The following LRRC57 variants were observed in gnomAD, a reference collection of about 807,000 sequenced individuals.
The protein encoded by LRRC57 is leucine-rich repeat-containing protein 57.
Under a neutral mutation model 23.1 loss-of-function variants are expected in LRRC57, and 14 were observed. That is an observed-to-expected ratio of 0.61 (90% CI 0.40 to 0.95). The LOEUF (loss-of-function observed/expected upper bound fraction) is 0.95, where lower values mean the gene tolerates loss of function less well. Ranked by LOEUF, LRRC57 falls within the 40% of genes least tolerant of loss-of-function variation. LRRC57 has a pLI of 0.00. For synonymous variants in LRRC57, 106 were observed against 115.2 expected (o/e 0.92, Z 0.51); for missense variants, 236 against 284.4 (o/e 0.83, Z 1.22).
At chr15:42,545,856 C>T (rs1319737545) in intron 4 of LRRC57, among the ~76,000 whole-genome samples, 1 of 152,056 alleles carries the variant, frequency 6.6e-6, no homozygotes, top group Non-Finnish European at 1.5e-5. Context: ...CATATGTCAT[C>T]TTCTCTCTAA....
At chr15:42,548,013 GTTTCATAACAAAAACAAAAATC>G in intron 3 of LRRC57, 71 bp downstream of exon 3, 1 of 1,396,456 alleles carries the variant, frequency 7.2e-7, no homozygotes. Context: ...CTCCTGCACG[GTTTCATAACAAAAACAAAAATC>G]AGCTTGTAAG....
At chr15:42,537,296 A>C (rs1207056718), downstream of LRRC57, among the ~76,000 whole-genome samples, 1 of 145,368 alleles carries the variant, frequency 6.9e-6, no homozygotes, top group African/African-American at 2.8e-5. Flanking sequence ...GTATGTGAAA[A>C]AAATCTCAAC....
rs1340021885 is a variant in LRRC57, at chr15:42,543,624, C to T, written c.*459G>A. Reference sequence around the variant, plus strand: ...TAATAAATCCTTAGATCCATGCCAGCCTCTCACAAATTATCTGAATTTCAT... The same window carrying T: ...TAATAAATCCTTAGATCCATGCCAGTCTCTCACAAATTATCTGAATTTCAT... On this transcript the variant is annotated 3_prime_UTR_variant, in exon 6 of 6. Coordinates refer to ENST00000397130, the MANE Select transcript of LRRC57 (RefSeq NM_153260.3). The T allele has an allele frequency of 6.5e-6, 1 of 154,594 alleles. No homozygotes were observed. The highest frequency in any genetic ancestry group is 1.9e-4 in the East Asian group (1 of 5,296). 9.6% of individuals were successfully genotyped at this position (154,594 alleles called of 1,614,324 possible).
intron 2 of LRRC57, 33 bp from the exon 3 acceptor site, chr15:42,548,277 C>T: frequency 1.2e-6 from 2 of 1,613,950 alleles, no homozygotes; most frequent in Non-Finnish European, 1.7e-6. Context: ...TGGGGAATCC[C>T]GCACCGACTA....
chr15:42,528,420 G>A, the LRRC57 span: 3 of 1,613,892 alleles, frequency 1.9e-6, no homozygotes, highest in Middle Eastern at 1.7e-4. Flanking sequence ...TACATTAAAC[G>A]GTATGCCAAC....
chr15:42,545,285 T>A (rs1200400856), intron 4 of LRRC57, 23 bp from the exon 5 acceptor site: 2 of 1,531,066 alleles, frequency 1.3e-6, no homozygotes. Flanking sequence ...CACAAAAGAA[T>A]AACAGGAAAA....
Position 42,539,236 on chromosome 15 carries a change from T to G in LRRC57, c.*4847A>C, listed in dbSNP as rs1483589002. ...GCTAACACCTGTAATCCCAGCACTA[T>G]GGGAAGCCAAGGCAGGGGGATCACC... is the stretch of plus-strand genomic sequence containing the variant. On this transcript the variant is annotated 3_prime_UTR_variant, in exon 6 of 6. Transcript: ENST00000397130. 2 of 151,692 alleles carry G rather than the reference T, an allele frequency of 1.3e-5. No individual in the cohort carries two copies. Among genetic ancestry groups the G allele is most frequent in the Non-Finnish European group, 2.9e-5 (2 of 67,978 alleles). 9.4% of individuals were successfully genotyped at this position (151,692 alleles called of 1,614,324 possible). A position where few individuals can be genotyped will look rare whatever the true frequency, so the allele number is the denominator to read the frequency against.
Position 42,547,363 on chromosome 15 carries a change from T to C in LRRC57, c.390A>G (p.Leu130=), listed in dbSNP as rs140832695. ...LGALPPQLCS[L]RHLDVMDLSK... ...AGAGATCCATCACATCCAGGTGCCG[T>C]AGGCTACAAAGTTGGGGAGGTAATG... The change falls in exon 4 of 6, where the codon CTA becomes CTG. Residue 130 remains leucine, a synonymous_variant. Transcript: ENST00000397130. 18 of 1,614,188 alleles carry C rather than the reference T, an allele frequency of 1.1e-5. No homozygotes were observed. Among genetic ancestry groups the C allele is most frequent in the Middle Eastern group, 1.6e-4 (1 of 6,062 alleles).
chr15:42,538,914 GTGGCTCACACCTGTAATCCCAGCACTT>G lies in LRRC57; in HGVS notation c.*5142_*5168del, dbSNP rs1361255592. 6.6e-6 allele frequency: 1 copy of G among 152,236 alleles called. No homozygotes were observed. The highest frequency in any genetic ancestry group is 1.5e-5 in the Non-Finnish European group (1 of 68,062). 9.4% of individuals were successfully genotyped at this position (152,236 alleles called of 1,614,324 possible). A position where few individuals can be genotyped will look rare whatever the true frequency, so the allele number is the denominator to read the frequency against. ...ATTTGGGTGACTTGGGCCAGATGTG[GTGGCTCACACCTGTAATCCCAGCACTT>G]TGGGAGGTAAGGCAGGATTGCTTGA... On this transcript the variant is annotated 3_prime_UTR_variant, in exon 6 of 6. Transcript: ENST00000397130.
chr15:42,547,703 G>A, intron 3 of LRRC57, 174 bp from the exon 4 acceptor site: 3 of 644,952 alleles, frequency 4.7e-6, no homozygotes, highest in South Asian at 4.3e-5. Context: ...AGAAGGTGAG[G>A]GTGCCATCAA....
At chr15:42,546,953 AT>A (rs1238927358) in intron 4 of LRRC57, among the ~76,000 whole-genome samples, 1 of 152,192 alleles carries the variant, frequency 6.6e-6, no homozygotes. Context: ...GGTTAGGGGC[AT>A]ATATTTGAGG....
At chr15:42,544,841 A>AATATATATATATATATATATATATATAT (rs767685010) in intron 5 of LRRC57, among the ~76,000 whole-genome samples, 4 of 106,596 alleles carry the variant, frequency 3.8e-5, no homozygotes, top group Non-Finnish European at 7.6e-5. Flanking sequence ...ACACACACAC[A>AATATATATATATATATATATATATATAT]CTATATATAT....
intron 4 of LRRC57, chr15:42,545,562 T>C (rs1239406716): frequency 5.3e-6 from 1 of 187,362 alleles, no homozygotes; most frequent in African/African-American, 2.3e-5. Flanking sequence ...GAATCACAGG[T>C]TTAAAGAAAA....
Position 42,538,545 on chromosome 15 carries a change from C to G in LRRC57, c.*5538G>C, listed in dbSNP as rs1595536374. ...AATAGCTGGGACTATAGATGCCTGCCTCTGCCTGGCTCCATTTTTTTATCC... is the reference window on the plus strand; with the variant it reads ...AATAGCTGGGACTATAGATGCCTGCGTCTGCCTGGCTCCATTTTTTTATCC... On this transcript the variant is annotated 3_prime_UTR_variant, in exon 6 of 6. Coordinates refer to ENST00000397130, the MANE Select transcript of LRRC57 (RefSeq NM_153260.3). The G allele has an allele frequency of 1.3e-5, 2 of 152,102 alleles. No individual in the cohort carries two copies. The highest frequency in any genetic ancestry group is 3.9e-4 in the East Asian group (2 of 5,190). The allele number at this position is 152,102 out of a possible 1,614,324, so 9.4% of individuals were successfully genotyped here.
At chr15:42,537,417 G>C (rs982013249), downstream of LRRC57, among the ~76,000 whole-genome samples, 5 of 152,150 alleles carry the variant, frequency 3.3e-5, no homozygotes, top group African/African-American at 1.2e-4. Context: ...GCTGAGAAAA[G>C]AGAACTAATT....
chr15:42,532,420 T>C, the LRRC57 span: 2 of 152,216 alleles, frequency 1.3e-5, no homozygotes, highest in Non-Finnish European at 1.5e-5. Flanking sequence ...TCTGAACTCT[T>C]AGTGATTCAT....
chr15:42,544,033 C>T lies in LRRC57; in HGVS notation c.*50G>A. The T allele has an allele frequency of 6.5e-7, 1 of 1,535,738 alleles. No homozygotes were observed. Among genetic ancestry groups the T allele is most frequent in the South Asian group, 1.1e-5 (1 of 87,978 alleles). ...AGGCTTTGACTCAGCCACATTCCAA[C>T]AGAGGTTCTAAGTCAGTATCCTGTA... On this transcript the variant is annotated 3_prime_UTR_variant, in exon 6 of 6. Transcript: ENST00000397130.
intron 3 of LRRC57, 63 bp downstream of exon 3, chr15:42,548,043 A>T (rs1595540932): frequency 6.3e-7 from 1 of 1,575,830 alleles, no homozygotes; most frequent in Non-Finnish European, 8.7e-7. Context: ...ATCAGCTTGT[A>T]AGAGAAAACC....
intron 5 of LRRC57, 22 bp downstream of exon 5, chr15:42,545,055 G>A: frequency 6.5e-7 from 1 of 1,529,700 alleles, no homozygotes; most frequent in Non-Finnish European, 8.8e-7. Context: ...GACTAGAAAT[G>A]CAGAAGTACA....
Sources: allele counts gnomAD v4.1 joint callset (sites outside exome capture counted in the v4.1 genomes callset), GRCh38; gene constraint gnomAD v4.1.1; transcripts MANE v1.5; gene names NCBI Gene and HGNC (gene_info 2026-07-23, HGNC 2026-07-21).